Variants in ARNT2 observed in about 807,000 individuals in gnomAD.
The protein encoded by ARNT2 is ARNT protein 2.
A neutral mutation model predicts 91.7 loss-of-function variants in ARNT2; 36 were observed. The ratio of observed to expected loss-of-function variants is 0.39; its 90% confidence interval spans 0.30 to 0.52. The LOEUF is 0.52. ARNT2 is among the 20% of genes least tolerant of loss of function. The pLI, the probability that ARNT2 is intolerant of heterozygous loss-of-function variation, is 0.72. For synonymous variants in ARNT2, 365 were observed against 347.1 expected (o/e 1.05, Z -0.57); for missense variants, 775 against 939.3 (o/e 0.83, Z 2.29).
rs184196290 is a variant in ARNT2 at position 80,537,966 on chromosome 15, G to A, written c.878-13233G>A. On this transcript the variant is annotated intron_variant, in intron 8 of 18. Coordinates refer to ENST00000303329, the MANE Select transcript of ARNT2 (RefSeq NM_014862.4). ...ATGACTGATGTCCTTATAAAAGGGG[G>A]AATTTGGACACAGACGTGGGACACA... 1.4e-3 allele frequency among the ~76,000 whole-genome samples: 209 copies of A among 152,328 alleles called. 4 individuals are homozygous for A. The highest frequency in any genetic ancestry group is 0.014 in the Admixed American group (207 of 15,296).
chr15:80,459,498 T>C (rs538476715), intron 3 of ARNT2, among the ~76,000 whole-genome samples: 2 of 152,156 alleles, frequency 1.3e-5, no homozygotes, highest in Non-Finnish European at 2.9e-5. Flanking sequence ...AAATTCCCCT[T>C]GAGATAACAT....
At chr15:80,529,412 C>A (rs984047165) in intron 8 of ARNT2, among the ~76,000 whole-genome samples, 1 of 152,132 alleles carries the variant, frequency 6.6e-6, no homozygotes, top group African/African-American at 2.4e-5. Flanking sequence ...CCAGCAGAAA[C>A]CCTGAAATGC....
At chr15:80,494,658 C>T (rs561644614) in intron 5 of ARNT2, among the ~76,000 whole-genome samples, 73 of 152,032 alleles carry the variant, frequency 4.8e-4, no homozygotes, top group Non-Finnish European at 5.1e-4. Context: ...AGGCGGTGGC[C>T]CATGATCCCA....
chr15:80,548,309 A>G (rs1306431152), intron 8 of ARNT2, among the ~76,000 whole-genome samples: 1 of 152,176 alleles, frequency 6.6e-6, no homozygotes, highest in Non-Finnish European at 1.5e-5. Flanking sequence ...CGTGCATGTT[A>G]TATCTTAGTC....
At chr15:80,550,789 TTG>T (rs1311285198) in intron 8 of ARNT2, among the ~76,000 whole-genome samples, 3 of 152,264 alleles carry the variant, frequency 2.0e-5, no homozygotes, top group Admixed American at 2.0e-4. Context: ...TGGTTTTTAC[TTG>T]TGTTTCTTTT....
At chr15:80,575,902 G>A (rs759515243) in intron 14 of ARNT2, among the ~76,000 whole-genome samples, 1 of 152,240 alleles carries the variant, frequency 6.6e-6, no homozygotes, top group Admixed American at 6.5e-5. Flanking sequence ...GCCGGCTCAT[G>A]ACTTTGGACA....
At chr15:80,532,548 G>C (rs1380260276) in intron 8 of ARNT2, among the ~76,000 whole-genome samples, 1 of 152,140 alleles carries the variant, frequency 6.6e-6, no homozygotes, top group Non-Finnish European at 1.5e-5. Context: ...CTCTCCAAAG[G>C]ACAGATGCAT....
chr15:80,426,087 ACT>A (rs1444463047), intron 1 of ARNT2, among the ~76,000 whole-genome samples: 5 of 151,840 alleles, frequency 3.3e-5, no homozygotes, highest in Non-Finnish European at 5.9e-5. Flanking sequence ...AAGAAAAGAA[ACT>A]CTATAGGATA....
intron 17 of ARNT2, 22 bp downstream of exon 17, chr15:80,581,426 G>A: frequency 1.2e-6 from 2 of 1,613,568 alleles, no homozygotes; most frequent in Non-Finnish European, 8.5e-7. Context: ...ATGAGGGAGT[G>A]AGATTCTGGG....
chr15:80,471,566 G>A (rs755747141), intron 4 of ARNT2, among the ~76,000 whole-genome samples: 1 of 152,200 alleles, frequency 6.6e-6, no homozygotes, highest in Non-Finnish European at 1.5e-5. Flanking sequence ...GATGGCAGCA[G>A]TAGTGATAAT....
chr15:80,473,826 C>T (rs942678769), intron 4 of ARNT2, among the ~76,000 whole-genome samples: 12 of 152,144 alleles, frequency 7.9e-5, no homozygotes, highest in South Asian at 2.1e-4. Flanking sequence ...GGATTTGGGG[C>T]GCCAGACTCT....
At chr15:80,534,058 G>A (rs779746479) in intron 8 of ARNT2, among the ~76,000 whole-genome samples, 7 of 152,234 alleles carry the variant, frequency 4.6e-5, no homozygotes, top group Non-Finnish European at 7.3e-5. Flanking sequence ...AAAGGAAGAT[G>A]CTTTTTCATT....
intron 1 of ARNT2, among the ~76,000 whole-genome samples, chr15:80,443,976 A>T (rs1329042671): frequency 6.6e-6 from 1 of 152,096 alleles, no homozygotes; most frequent in East Asian, 1.9e-4. Flanking sequence ...GGCTTTTGAG[A>T]TTGATTTGAA....
intron 17 of ARNT2, among the ~76,000 whole-genome samples, chr15:80,582,275 G>A (rs538338938): frequency 2.8e-4 from 43 of 151,238 alleles, no homozygotes; most frequent in African/African-American, 9.7e-4. Flanking sequence ...GCAGATCACC[G>A]GAGCCCAGGA....
At chr15:80,564,208 T>C (rs1222540419) in intron 12 of ARNT2, among the ~76,000 whole-genome samples, 1 of 151,994 alleles carries the variant, frequency 6.6e-6, no homozygotes, top group African/African-American at 2.4e-5. Flanking sequence ...CAGCACTCAG[T>C]CGGGGGACCT....
At chr15:80,450,760 A>G in intron 1 of ARNT2, 120 bp from the exon 2 acceptor site, 2 of 940,454 alleles carry the variant, frequency 2.1e-6, no homozygotes, top group Non-Finnish European at 3.4e-6. Flanking sequence ...GAGCGGCCGC[A>G]GGATGCAGGT....
intron 8 of ARNT2, among the ~76,000 whole-genome samples, chr15:80,523,121 T>G (rs1409877614): frequency 6.6e-6 from 1 of 152,170 alleles, no homozygotes; most frequent in Non-Finnish European, 1.5e-5. Context: ...GATGCTCATG[T>G]CCAATGTCTC....
At chr15:80,573,526 A>G (rs1183902709) in intron 12 of ARNT2, among the ~76,000 whole-genome samples, 4 of 152,160 alleles carry the variant, frequency 2.6e-5, no homozygotes, top group African/African-American at 7.2e-5. Flanking sequence ...TATAGAGTTC[A>G]CTTTCCCTTG....
chr15:80,478,058 C>T (rs1003158364), intron 5 of ARNT2, among the ~76,000 whole-genome samples: 2 of 152,216 alleles, frequency 1.3e-5, no homozygotes, highest in African/African-American at 2.4e-5. Flanking sequence ...CTACCCCATT[C>T]TCCTGCCTGA....
Sources: allele counts gnomAD v4.1 joint callset (sites outside exome capture counted in the v4.1 genomes callset), GRCh38; gene constraint gnomAD v4.1.1; transcripts MANE v1.5; gene names NCBI Gene and HGNC (gene_info 2026-07-23, HGNC 2026-07-21).